The following HS6ST2 variants were observed in gnomAD, a reference collection of about 807,000 sequenced individuals.
HS6ST2 encodes the protein heparan sulfate 6-O-sulfotransferase 2.
HS6ST2 carries 17 observed loss-of-function variants against 33.0 expected under a neutral mutation model. That is an observed-to-expected ratio of 0.52 (90% CI 0.35 to 0.77). HS6ST2 has a LOEUF of 0.77. Among genes scored for constraint, HS6ST2 ranks in the 30% least tolerant of loss-of-function variants. HS6ST2 has a pLI of 0.01. For missense variants in HS6ST2, 519 were observed against 551.7 expected (o/e 0.94, Z 0.59); for synonymous variants, 248 against 237.1 (o/e 1.05, Z -0.42).
intron 2 of HS6ST2, among the ~76,000 whole-genome samples, chrX:132,777,300 T>A (rs1205733467): frequency 9.2e-6 from 1 of 109,015 alleles, no homozygotes; most frequent in East Asian, 2.9e-4. Flanking sequence ...TACAATAGCA[T>A]CCCTCGATAA....
At chrX:132,831,986 G>C (rs2065594734) in intron 2 of HS6ST2, among the ~76,000 whole-genome samples, 2 of 111,717 alleles carry the variant, frequency 1.8e-5, no homozygotes, top group South Asian at 7.5e-4. Flanking sequence ...TTATGCTACA[G>C]GTAGGCCAAA....
chrX:132,655,374 G>A (rs1054883552), intron 4 of HS6ST2, among the ~76,000 whole-genome samples: 1 of 111,523 alleles, frequency 9.0e-6, no homozygotes, highest in Admixed American at 9.6e-5. Flanking sequence ...CATTTAATGA[G>A]TACCAGTATG....
At chrX:132,863,459 G>T (rs1043609871) in intron 2 of HS6ST2, among the ~76,000 whole-genome samples, 4 of 108,203 alleles carry the variant, frequency 3.7e-5, no homozygotes, top group African/African-American at 1.0e-4. Context: ...AGCTGGGACT[G>T]CAGGCGCACA....
intron 2 of HS6ST2, among the ~76,000 whole-genome samples, chrX:132,832,511 T>G (rs1053424192): frequency 8.9e-6 from 1 of 112,068 alleles, no homozygotes; most frequent in Admixed American, 9.5e-5. Context: ...TCATCTAGTT[T>G]AAAAATAATT....
chrX:132,719,643 C>T (rs182937972), intron 2 of HS6ST2, among the ~76,000 whole-genome samples: 2 of 111,998 alleles, frequency 1.8e-5, no homozygotes, highest in East Asian at 2.8e-4. Context: ...TTGGCCCCTT[C>T]GTTTCTCTGT....
At chrX:132,945,615 A>G (rs1040194805) in intron 2 of HS6ST2, among the ~76,000 whole-genome samples, 5 of 110,468 alleles carry the variant, frequency 4.5e-5, no homozygotes, top group African/African-American at 1.7e-4. Context: ...CAAATGTCCA[A>G]TGATGACAGA....
intron 2 of HS6ST2, among the ~76,000 whole-genome samples, chrX:132,927,930 A>G (rs912439098): frequency 1.8e-5 from 2 of 110,717 alleles, no homozygotes; most frequent in Non-Finnish European, 3.8e-5. Flanking sequence ...GGTAATTTAT[A>G]AAGAAAAGAG....
intron 2 of HS6ST2, among the ~76,000 whole-genome samples, chrX:132,740,150 C>T (rs2064556020): frequency 2.7e-5 from 3 of 112,083 alleles, no homozygotes; most frequent in Admixed American, 9.5e-5. Flanking sequence ...ACGAAATCTT[C>T]GTCAACCCTG....
intron 2 of HS6ST2, among the ~76,000 whole-genome samples, chrX:132,835,309 A>T (rs1392037182): frequency 9.0e-6 from 1 of 111,489 alleles, no homozygotes; most frequent in East Asian, 2.8e-4. Flanking sequence ...CCATGGTGGA[A>T]AATACATATG....
intron 2 of HS6ST2, among the ~76,000 whole-genome samples, chrX:132,952,288 C>T (rs1402180626): frequency 9.0e-6 from 1 of 111,721 alleles, no homozygotes; most frequent in Non-Finnish European, 1.9e-5. Context: ...ATTTCTCCCC[C>T]TCTTCTATGA....
At chrX:132,719,177 C>T (rs2064305487) in intron 2 of HS6ST2, among the ~76,000 whole-genome samples, 1 of 111,349 alleles carries the variant, frequency 9.0e-6, no homozygotes, top group African/African-American at 3.3e-5. Context: ...ACCTTGACAT[C>T]GTTTAGAAAC....
intron 2 of HS6ST2, among the ~76,000 whole-genome samples, chrX:132,954,909 A>G (rs1002627095): frequency 5.4e-5 from 6 of 111,988 alleles, no homozygotes; most frequent in African/African-American, 1.9e-4. Context: ...GCCAGAGGAC[A>G]GTAGCCACCA....
intron 2 of HS6ST2, 83 bp downstream of exon 2, chrX:132,956,725 G>C: frequency 9.5e-7 from 1 of 1,052,896 alleles, no homozygotes; most frequent in African/African-American, 1.9e-5. Flanking sequence ...GTGCGCGCTA[G>C]GTCCCCGGCT....
chrX:132,655,212 TA>T (rs1221134778), intron 4 of HS6ST2, among the ~76,000 whole-genome samples: 2 of 112,018 alleles, frequency 1.8e-5, no homozygotes, highest in African/African-American at 6.5e-5. Context: ...ATTGAATTAA[TA>T]AACAAATGAA....
chrX:132,699,580 T>C (rs192275986), intron 3 of HS6ST2, among the ~76,000 whole-genome samples: 4 of 112,380 alleles, frequency 3.6e-5, no homozygotes, highest in Admixed American at 1.9e-4. Flanking sequence ...CATTTATAAT[T>C]ACAACTAATT....
chrX:132,728,640 G>A (rs2064422021), intron 2 of HS6ST2, among the ~76,000 whole-genome samples: 1 of 111,947 alleles, frequency 8.9e-6, no homozygotes, highest in South Asian at 3.8e-4. Context: ...AAACCCAGGA[G>A]GTGATTTTAT....
intron 2 of HS6ST2, among the ~76,000 whole-genome samples, chrX:132,719,678 G>T (rs1363129459): frequency 8.9e-6 from 1 of 111,956 alleles, no homozygotes; most frequent in African/African-American, 3.2e-5. Context: ...TAGAAATGAT[G>T]CCCCTTCAAG....
intron 3 of HS6ST2, among the ~76,000 whole-genome samples, chrX:132,702,372 A>G (rs1007067892): frequency 8.9e-6 from 1 of 112,590 alleles, no homozygotes; most frequent in Non-Finnish European, 1.9e-5. Flanking sequence ...AAATATCCTT[A>G]AAGGATTAGC....
intron 2 of HS6ST2, among the ~76,000 whole-genome samples, chrX:132,785,261 A>T (rs1387364569): frequency 2.7e-5 from 3 of 111,869 alleles, no homozygotes; most frequent in Admixed American, 9.5e-5. Flanking sequence ...CTTTCAACAT[A>T]CCCCCAGAGA....
Sources: allele counts gnomAD v4.1 joint callset (sites outside exome capture counted in the v4.1 genomes callset), GRCh38; gene constraint gnomAD v4.1.1; transcripts MANE v1.5; gene names NCBI Gene and HGNC (gene_info 2026-07-23, HGNC 2026-07-21).